Variants in CIMAP1A observed in about 807,000 individuals in gnomAD.
CIMAP1A encodes the protein ciliary microtubule associated protein 1A.
the CIMAP1A span, chr11:198,959 GC>G: frequency 8.4e-7 from 1 of 1,185,968 alleles, no homozygotes; most frequent in Non-Finnish European, 1.1e-6. Context: ...CCAGTGCAAA[GC>G]CCCTGGGTGG....
chr11:200,170 A>G, the CIMAP1A span: 18 of 717,458 alleles, frequency 2.5e-5, no homozygotes, highest in African/African-American at 3.0e-4. Flanking sequence ...GGGCAATTGT[A>G]ATCAGTTACT....
chr11:197,748 G>A, the CIMAP1A span: 1 of 1,613,628 alleles, frequency 6.2e-7, no homozygotes, highest in Non-Finnish European at 8.5e-7. Flanking sequence ...AGACCATGCT[G>A]ACTCCTGGTC....
the CIMAP1A span, chr11:198,619 C>T: frequency 5.7e-6 from 9 of 1,574,426 alleles, no homozygotes; most frequent in South Asian, 4.7e-5. Context: ...CAGAGAATCA[C>T]CCCCAACCAT....
chr11:199,590 G>T, the CIMAP1A span: 6 of 1,494,484 alleles, frequency 4.0e-6, no homozygotes, highest in Admixed American at 4.4e-5. Context: ...GAGCAGGGAG[G>T]GGGGCTGGGA....
chr11:198,828 T>G, the CIMAP1A span: 1 of 1,381,728 alleles, frequency 7.2e-7, no homozygotes, highest in Non-Finnish European at 9.3e-7. Context: ...GAGATGGGGT[T>G]TAGGAAGCAC....
chr11:198,915 A>G, the CIMAP1A span: 6 of 1,214,248 alleles, frequency 4.9e-6, no homozygotes, highest in Non-Finnish European at 6.2e-6. Context: ...ACCATGAGCT[A>G]TTTGGGGGAG....
the CIMAP1A span, chr11:198,759 G>A: frequency 9.0e-6 from 13 of 1,443,234 alleles, no homozygotes; most frequent in South Asian, 7.3e-5. Context: ...GTGAGGAGGG[G>A]CAGGCAACAG....
At chr11:198,487 A>G in the CIMAP1A span, 66 of 1,613,302 alleles carry the variant, frequency 4.1e-5, no homozygotes, top group African/African-American at 8.0e-5. Flanking sequence ...CATGCTGCCC[A>G]TGGTAATGGG....
At chr11:199,075 C>G in the CIMAP1A span, 1 of 1,276,954 alleles carries the variant, frequency 7.8e-7, no homozygotes, top group Non-Finnish European at 1.0e-6. Context: ...TCAGGTCCAA[C>G]AGGGCAGCAA....
chr11:199,411 AC>A, the CIMAP1A span: 2 of 1,574,964 alleles, frequency 1.3e-6, no homozygotes, highest in Non-Finnish European at 1.7e-6. Context: ...TGTGCGGGTG[AC>A]CAAGTTCAAG....
the CIMAP1A span, chr11:197,182 G>C: frequency 4.7e-6 from 3 of 643,552 alleles, no homozygotes; most frequent in Non-Finnish European, 2.7e-6. Context: ...TGCTGCAGCA[G>C]GTTCCGCAGG....
At chr11:198,653 G>A in the CIMAP1A span, 11 of 1,544,618 alleles carry the variant, frequency 7.1e-6, no homozygotes, top group African/African-American at 1.2e-4. Flanking sequence ...CGGAACCCAG[G>A]ACCCACCAGT....
At chr11:199,356 C>G in the CIMAP1A span, 1 of 1,563,462 alleles carries the variant, frequency 6.4e-7, no homozygotes, top group Non-Finnish European at 8.7e-7. Context: ...TCTGAGCCTC[C>G]TTTACCTCTC....
the CIMAP1A span, chr11:197,778 C>G: frequency 1.2e-6 from 2 of 1,611,806 alleles, no homozygotes; most frequent in South Asian, 1.1e-5. Flanking sequence ...GACCCTGTCT[C>G]AGGCTCCTGC....
the CIMAP1A span, chr11:198,885 A>C: frequency 7.9e-7 from 1 of 1,271,190 alleles, no homozygotes; most frequent in Non-Finnish European, 9.9e-7. Flanking sequence ...CATGGAAAGA[A>C]GAGGAGGAGG....
At chr11:200,052 C>T in the CIMAP1A span, 11 of 1,612,122 alleles carry the variant, frequency 6.8e-6, no homozygotes, top group Non-Finnish European at 9.3e-6. Context: ...CTGCTGTGCC[C>T]CATCACACCC....
chr11:197,903 G>T, the CIMAP1A span: 1 of 1,492,106 alleles, frequency 6.7e-7, no homozygotes. Context: ...CTCTCTTGAG[G>T]GGTCACCATC....
At chr11:197,589 G>A in the CIMAP1A span, 8 of 1,613,364 alleles carry the variant, frequency 5.0e-6, no homozygotes, top group South Asian at 4.4e-5. Context: ...CCACCAAGCT[G>A]CGTGCACCGG....
At chr11:199,088 GC>G in the CIMAP1A span, 1 of 1,304,314 alleles carries the variant, frequency 7.7e-7, no homozygotes, top group Non-Finnish European at 9.8e-7. Flanking sequence ...GGCAGCAACA[GC>G]CTCTCTCACA....
Sources: gnomAD v4.1 joint callset for allele counts on GRCh38, gnomAD v4.1.1 for gene constraint, MANE v1.5 for transcripts, NCBI Gene and HGNC (gene_info 2026-07-23, HGNC 2026-07-21) for gene names.